The following CDKL5 variants were observed in gnomAD, a reference collection of about 807,000 sequenced individuals.
CDKL5 encodes the protein cyclin-dependent kinase-like 5.
In CDKL5, 8 loss-of-function variants were observed where a neutral mutation model predicts 61.7. The observed-to-expected ratio is 0.13, with a 90% CI of 0.08 to 0.23. CDKL5 has a LOEUF of 0.23. Among genes scored for constraint, CDKL5 ranks in the 10% least tolerant of loss-of-function variants. The probability of loss-of-function intolerance (pLI) is 1.00; values close to 1 mark genes in which losing one functional copy is unlikely to be tolerated. For synonymous variants in CDKL5, 275 were observed against 272.3 expected, an observed-to-expected ratio of 1.01 and a Z score of -0.10; for missense variants, 440 against 734.5, an observed-to-expected ratio of 0.60 and a Z score of 4.63.
downstream of CDKL5, among the ~76,000 whole-genome samples, chrX:18,643,356 C>A (rs746718509): frequency 6.3e-5 from 7 of 111,288 alleles, no homozygotes; most frequent in Non-Finnish European, 1.1e-4. Context: ...TGCCTTTCTC[C>A]GCAGTGGCAC....
rs150726129 is a variant in CDKL5 at position 18,509,476 on chromosome X, C to T, written c.65-1344C>T. 4.4e-3 allele frequency among the ~76,000 whole-genome samples: 487 copies of T among 111,058 alleles called. 2 individuals are homozygous for T. The highest frequency in any genetic ancestry group is 0.041 in the Middle Eastern group (9 of 217). ...TAGACTGTGTTGGAGACACATTTCC[C>T]AATTTTGTATCCGTGAAGCCCCCTT... On this transcript the variant is annotated intron_variant, in intron 2 of 17. Coordinates refer to ENST00000623535, the MANE Select transcript of CDKL5 (RefSeq NM_001323289.2).
chrX:18,474,159 C>T (rs1405626881), intron 1 of CDKL5, among the ~76,000 whole-genome samples: 2 of 111,161 alleles, frequency 1.8e-5, no homozygotes, highest in Non-Finnish European at 1.9e-5. Context: ...AGCCACCGTG[C>T]CTGGCCCTGG....
chrX:18,430,691 C>G (rs1427649491), intron 1 of CDKL5, among the ~76,000 whole-genome samples: 1 of 109,475 alleles, frequency 9.1e-6, no homozygotes, highest in Non-Finnish European at 1.9e-5. Context: ...ACAGTCCCCC[C>G]GCTTCAGCCT....
chrX:18,504,826 G>A (rs908141595), intron 1 of CDKL5, among the ~76,000 whole-genome samples: 1 of 109,090 alleles, frequency 9.2e-6, no homozygotes, highest in Non-Finnish European at 1.9e-5. Context: ...CCAGCTACAC[G>A]GGAGGCTGAG....
intron 1 of CDKL5, among the ~76,000 whole-genome samples, chrX:18,432,095 CTTTCTT>C (rs1446781392): frequency 2.9e-5 from 3 of 102,779 alleles, no homozygotes; most frequent in Admixed American, 1.1e-4. Context: ...TTCTTTCTTT[CTTTCTT>C]TTTTTTTTTT....
exon 22 of CDKL5, chrX:18,653,555 C>T (rs759463462): frequency 1.7e-6 from 2 of 1,208,239 alleles, no homozygotes; most frequent in Admixed American, 2.2e-5. Context: ...CTTCTGCAAG[C>T]CTGCGGCTGG....
intron 12 of CDKL5, among the ~76,000 whole-genome samples, chrX:18,605,212 A>C (rs1458205857): frequency 9.0e-6 from 1 of 110,741 alleles, no homozygotes; most frequent in Non-Finnish European, 1.9e-5. Context: ...AGTTTTTCTT[A>C]AAATACAGTG....
intron 1 of CDKL5, among the ~76,000 whole-genome samples, chrX:18,460,276 G>T (rs1049008160): frequency 9.0e-6 from 1 of 110,562 alleles, no homozygotes; most frequent in Admixed American, 9.7e-5. Context: ...GGTGCCGTAG[G>T]GGGGACCGTA....
intron 15 of CDKL5, among the ~76,000 whole-genome samples, chrX:18,618,567 T>A (rs1480471106): frequency 1.8e-5 from 2 of 112,435 alleles, no homozygotes; most frequent in Non-Finnish European, 3.8e-5. Context: ...TTCATCTCCT[T>A]AATTGCAAAA....
rs1314566345 is a variant in CDKL5 at position 18,635,353 on chromosome X, T to C, written c.*6596T>C. 1 of 752,568 alleles carries C rather than the reference T, an allele frequency of 1.3e-6. No homozygotes were observed. Among genetic ancestry groups the C allele is most frequent in the African/African-American group, 2.3e-5 (1 of 43,285 alleles). 62.0% of individuals were successfully genotyped at this position (752,568 alleles called of 1,213,427 possible). Reference sequence around the variant, plus strand: ...TGAGCACAATGTATTTTTGAATGGATCTTCCCAAATGTCTTTAATAAAATG... The same window carrying C: ...TGAGCACAATGTATTTTTGAATGGACCTTCCCAAATGTCTTTAATAAAATG... On this transcript the variant is annotated 3_prime_UTR_variant, in exon 18 of 18. Coordinates refer to ENST00000623535, the MANE Select transcript of CDKL5 (RefSeq NM_001323289.2).
At chrX:18,575,894 G>A (rs1283870171) in intron 5 of CDKL5, among the ~76,000 whole-genome samples, 1 of 111,674 alleles carries the variant, frequency 9.0e-6, no homozygotes, top group African/African-American at 3.3e-5. Flanking sequence ...GTGGGCCCAG[G>A]AAGCAGCTTA....
At chrX:18,581,329 A>G (rs1441291406) in intron 6 of CDKL5, among the ~76,000 whole-genome samples, 1 of 111,952 alleles carries the variant, frequency 8.9e-6, no homozygotes, top group Non-Finnish European at 1.9e-5. Flanking sequence ...AAAATTAGAA[A>G]TCTTAATTTG....
At chrX:18,543,048 G>A (rs1383011767) in intron 3 of CDKL5, among the ~76,000 whole-genome samples, 1 of 110,890 alleles carries the variant, frequency 9.0e-6, no homozygotes, top group Non-Finnish European at 1.9e-5. Context: ...ATCTCATCAG[G>A]CAGGGAATTC....
chrX:18,628,290 T>A, intron 17 of CDKL5, 81 bp from the exon 18 acceptor site: 2 of 1,035,042 alleles, frequency 1.9e-6, no homozygotes, highest in Non-Finnish European at 2.7e-6. Flanking sequence ...CCCAGTCACC[T>A]CACCTCTAAG....
At chrX:18,491,927 T>C (rs190218261) in intron 1 of CDKL5, among the ~76,000 whole-genome samples, 143 of 111,599 alleles carry the variant, frequency 1.3e-3, no homozygotes, top group African/African-American at 4.4e-3. Flanking sequence ...TTAGACTGTT[T>C]CCATTCTTGT....
intron 1 of CDKL5, among the ~76,000 whole-genome samples, chrX:18,428,668 G>A (rs1415525461): frequency 9.1e-6 from 1 of 110,228 alleles, no homozygotes; most frequent in Non-Finnish European, 1.9e-5. Flanking sequence ...GTATTAAGTT[G>A]CTTTCTAAGT....
chrX:18,633,902 G>A lies in CDKL5; in HGVS notation c.*5145G>A, dbSNP rs965867690. 27 of 753,446 alleles carry A rather than the reference G, an allele frequency of 3.6e-5. No individual in the cohort carries two copies. Among genetic ancestry groups the A allele is most frequent in the Non-Finnish European group, 3.9e-5 (25 of 639,102 alleles). The allele number at this position is 753,446 out of a possible 1,213,427, so 62.1% of individuals were successfully genotyped here. On this transcript the variant is annotated 3_prime_UTR_variant, in exon 18 of 18. Transcript: ENST00000623535. ...AGGCTATTAAATATGATCATGACCC[G>A]CCTTGCATTTTCATTCATCACCTGT...
At chrX:18,483,748 G>T (rs1319954704) in intron 1 of CDKL5, among the ~76,000 whole-genome samples, 1 of 111,011 alleles carries the variant, frequency 9.0e-6, no homozygotes, top group Non-Finnish European at 1.9e-5. Flanking sequence ...TTGGATTGTT[G>T]AAATAAGTTT....
In CDKL5 at chrX:18,649,256, G is replaced by A. The variant is rs749683164; in HGVS notation, c.2798-1154G>A. Reference sequence around the variant, plus strand: ...AATATATTTTCCTTTTTTGGTTAGAGACCTGGTCTCGCTGTGTCGCACAGG... The same window carrying A: ...AATATATTTTCCTTTTTTGGTTAGAAACCTGGTCTCGCTGTGTCGCACAGG... On this transcript the variant is annotated intron_variant, in intron 20 of 21. Coordinates refer to the CDKL5 transcript ENST00000379989. Among the ~76,000 whole-genome samples the A allele has an allele frequency of 7.8e-4, 86 of 110,769 alleles. 1 individual carries two copies. The Middle Eastern group carries it at 0.019, about 24-fold the overall frequency.
Sources: gnomAD v4.1 joint callset for allele counts (sites outside exome capture counted in the v4.1 genomes callset) on GRCh38, gnomAD v4.1.1 for gene constraint, MANE v1.5 for transcripts, NCBI Gene and HGNC (gene_info 2026-07-23, HGNC 2026-07-21) for gene names.